The following TXN variants were observed in gnomAD, a reference collection of about 807,000 sequenced individuals.
TXN encodes the protein thioredoxin, also known as ADF.
A neutral mutation model predicts 16.5 loss-of-function variants in TXN; 10 were observed. That is an observed-to-expected ratio of 0.61 (90% confidence interval 0.37 to 1.03). The LOEUF is 1.03. TXN is among the 50% of genes least tolerant of loss of function. TXN has a pLI of 0.01. For missense variants in TXN, 71 were observed against 122.5 expected (o/e 0.58, Z 1.98); for synonymous variants, 35 against 39.4 (o/e 0.89, Z 0.42).
At chr9:110,250,469 A>G (rs1268806587) in intron 3 of TXN, among the ~76,000 whole-genome samples, 1 of 152,254 alleles carries the variant, frequency 6.6e-6, no homozygotes, top group Non-Finnish European at 1.5e-5. Context: ...AAGCGGTCTC[A>G]TAATTTGGTG....
chr9:110,246,782 CA>C (rs4135209), intron 3 of TXN, among the ~76,000 whole-genome samples: 77 of 152,170 alleles, frequency 5.1e-4, no homozygotes, highest in African/African-American at 1.8e-3. Context: ...GTAAGAGGCA[CA>C]AGGACAGTAA....
intron 2 of TXN, 50 bp from the exon 3 acceptor site, chr9:110,250,929 G>T: frequency 7.5e-7 from 1 of 1,336,556 alleles, no homozygotes; most frequent in Non-Finnish European, 1.1e-6. Context: ...CTAGGTAATG[G>T]CAATCAACAT....
chr9:110,256,481 T>C lies in TXN; in HGVS notation c.-46A>G, dbSNP rs776271419. ...GAGCGGCTGTAAGGACCGATGGAAATGGATCCAAAGCACCAAACAGAGCTT... is the reference window on the plus strand; with the variant it reads ...GAGCGGCTGTAAGGACCGATGGAAACGGATCCAAAGCACCAAACAGAGCTT... On this transcript the variant is annotated 5_prime_UTR_variant, in exon 1 of 5. Transcript: ENST00000374517. This position sits in a 1 kb window ranked among gnomAD's most constrained non-coding sequence, Gnocchi z 4.2. The C allele has an allele frequency of 1.4e-5, 23 of 1,589,620 alleles. No homozygotes were observed. The highest frequency in any genetic ancestry group is 1.7e-4 in the Middle Eastern group (1 of 6,040).
At chr9:110,246,786 G>A (rs1431279851) in intron 3 of TXN, among the ~76,000 whole-genome samples, 1 of 152,152 alleles carries the variant, frequency 6.6e-6, no homozygotes, top group East Asian at 1.9e-4. Context: ...GAGGCACAAG[G>A]ACAGTAATGG....
At chr9:110,251,161 T>C (rs1282763003) in intron 2 of TXN, among the ~76,000 whole-genome samples, 197 bp downstream of exon 2, 1 of 152,166 alleles carries the variant, frequency 6.6e-6, no homozygotes, top group Non-Finnish European at 1.5e-5. Context: ...AAAATTAACT[T>C]CTAAAATTTG....
intron 1 of TXN, among the ~76,000 whole-genome samples, chr9:110,251,831 G>A (rs865915124): frequency 1.3e-5 from 2 of 152,076 alleles, no homozygotes; most frequent in Non-Finnish European, 2.9e-5. Context: ...TCAAGGCTAG[G>A]TATATGGTAG....
Position 110,256,342 on chromosome 9 carries a change from G to T in TXN, c.24+70C>A. Reference sequence around the variant, plus strand: ...CCCGCCACCGCCTTCCCCACCTCCCGCCACCGCCTTCCCCAGTTACAGAGG... The same window carrying T: ...CCCGCCACCGCCTTCCCCACCTCCCTCCACCGCCTTCCCCAGTTACAGAGG... On this transcript the variant is annotated intron_variant, in intron 1 of 4. Transcript: ENST00000374517. The surrounding 1 kb of genome is among the most constrained non-coding windows in gnomAD (Gnocchi z 4.2). The T allele has an allele frequency of 1.7e-6, 2 of 1,191,608 alleles. No individual in the cohort carries two copies. Among genetic ancestry groups the T allele is most frequent in the South Asian group, 1.3e-5 (1 of 79,588 alleles). The allele number at this position is 1,191,608 out of a possible 1,614,324, so 73.8% of individuals were successfully genotyped here. A position where few individuals can be genotyped will look rare whatever the true frequency, so the allele number is the denominator to read the frequency against.
chr9:110,246,692 T>C (rs1837664888), intron 3 of TXN, among the ~76,000 whole-genome samples: 1 of 152,178 alleles, frequency 6.6e-6, no homozygotes, highest in African/African-American at 2.4e-5. Context: ...GTGGCACTAC[T>C]GTTGAGGAGT....
intron 3 of TXN, 143 bp downstream of exon 3, chr9:110,250,677 C>G: frequency 1.4e-6 from 1 of 689,936 alleles, no homozygotes; most frequent in South Asian, 1.8e-5. Context: ...TCCTAACTTG[C>G]CTGCTCTTCT....
chr9:110,248,514 G>A (rs933751414), intron 3 of TXN, among the ~76,000 whole-genome samples: 2 of 152,150 alleles, frequency 1.3e-5, no homozygotes, highest in Non-Finnish European at 2.9e-5. Context: ...AGGTGTACAG[G>A]AGGCTATGCC....
In TXN at chr9:110,244,850, G is replaced by T; in HGVS notation, c.190-7C>A. ...CACACTCTGAAGCAACATCCTGGTA[G>T]GGAAAGTAGCAAAGGGAGAGGATTA... On this transcript the variant is annotated splice_region_variant and splice_polypyrimidine_tract_variant and intron_variant, in intron 3 of 4. Transcript: ENST00000374517. 1 of 1,612,086 alleles carries T rather than the reference G, an allele frequency of 6.2e-7. No homozygotes were observed. Among genetic ancestry groups the T allele is most frequent in the South Asian group, 1.1e-5 (1 of 90,992 alleles).
At position 110,250,862 on chromosome 9, in the gene TXN, A is replaced by G; in HGVS notation, c.147T>C (p.Tyr49=). The change falls in exon 3 of 5, where the codon TAT becomes TAC. Residue 49 remains tyrosine (Y), a synonymous_variant. Transcript: ENST00000374517. Reference sequence around the variant, plus strand: ...CTACTTCAAGGAATATCACGTTGGAATACTTTTCAGAGAGGGACTGGAAAA... The same window carrying G: ...CTACTTCAAGGAATATCACGTTGGAGTACTTTTCAGAGAGGGACTGGAAAA... ...KPFFHSLSEK[Y]SNVIFLEVDV... is the part of the protein sequence containing the mutation. The G allele has an allele frequency of 6.2e-7, 1 of 1,611,042 alleles. No homozygotes were observed. Among genetic ancestry groups the G allele is most frequent in the Non-Finnish European group, 8.5e-7 (1 of 1,179,278 alleles).
At chr9:110,245,186 A>G (rs1837630671) in intron 3 of TXN, 1 of 175,890 alleles carries the variant, frequency 5.7e-6, no homozygotes, top group Non-Finnish European at 1.2e-5. Context: ...CATACAAAGA[A>G]GCAACAAAAA....
At chr9:110,247,388 G>C (rs1181839735) in intron 3 of TXN, among the ~76,000 whole-genome samples, 1 of 151,646 alleles carries the variant, frequency 6.6e-6, no homozygotes, top group South Asian at 2.1e-4. Flanking sequence ...TGAAGGAGGA[G>C]CTCTGTCATA....
chr9:110,244,730 T>A (rs888862416), intron 4 of TXN, 48 bp downstream of exon 4: 2 of 1,469,972 alleles, frequency 1.4e-6, no homozygotes, highest in Non-Finnish European at 1.9e-6. Context: ...TCACTTATAC[T>A]GGGTTTCCTA....
At chr9:110,246,485 T>C (rs1487108475) in intron 3 of TXN, among the ~76,000 whole-genome samples, 1 of 152,054 alleles carries the variant, frequency 6.6e-6, no homozygotes, top group Non-Finnish European at 1.5e-5. Flanking sequence ...CCAATAGAGA[T>C]TGAAAATGTC....
At chr9:110,255,548 C>A (rs4135163) in intron 1 of TXN, among the ~76,000 whole-genome samples, 5,925 of 152,314 alleles carry the variant, frequency 0.039, 170 homozygotes, top group East Asian at 0.075. Context: ...CAAAACCCAC[C>A]GACTGAGGGT....
chr9:110,245,846 C>T (rs891604427), intron 3 of TXN, among the ~76,000 whole-genome samples: 5 of 150,946 alleles, frequency 3.3e-5, no homozygotes, highest in African/African-American at 1.2e-4. Context: ...CGGTGGGTCA[C>T]CTGAGGTCAG....
rs5899890 is a variant in TXN at position 110,251,586 on chromosome 9, CAAAAAAAAAAAAAA to C, written c.25-138_25-125del. The C allele has an allele frequency of 3.7e-4, 21 of 56,298 alleles. 2 individuals are homozygous for C. Among genetic ancestry groups the C allele is most frequent in the Admixed American group, 1.3e-3 (5 of 3,712 alleles). 3.5% of individuals were successfully genotyped at this position (56,298 alleles called of 1,614,324 possible). A position where few individuals can be genotyped will look rare whatever the true frequency, so the allele number is the denominator to read the frequency against. On this transcript the variant is annotated intron_variant, in intron 1 of 4. Transcript: ENST00000374517. ...CTCCTTTCAGGACCTACTTTTTAGC[CAAAAAAAAAAAAAA>C]AAAAAAAAAAAAATCCCCAAACAAG...
Sources: allele counts gnomAD v4.1 joint callset (sites outside exome capture counted in the v4.1 genomes callset), GRCh38; gene constraint gnomAD v4.1.1; non-coding constraint Gnocchi (gnomAD v3.1); transcripts MANE v1.5; gene names NCBI Gene and HGNC (gene_info 2026-07-23, HGNC 2026-07-21).